ANO4: variants seen among roughly 807,000 people sequenced by gnomAD.
ANO4 encodes the protein anoctamin 4, also known as anoctamin-4.
ANO4 carries 69 observed loss-of-function variants against 141.9 expected under a neutral mutation model. The observed-to-expected ratio is 0.49, with a 90% CI of 0.40 to 0.59. ANO4 has a LOEUF of 0.59. ANO4 is among the 20% of genes least tolerant of loss of function. The probability of loss-of-function intolerance (pLI) is 0.00; values close to 1 mark genes in which losing one functional copy is unlikely to be tolerated. For missense variants in ANO4, 894 were observed against 1,162.2 expected, an observed-to-expected ratio of 0.77 and a Z score of 3.36; for synonymous variants, 350 against 394.3, an observed-to-expected ratio of 0.89 and a Z score of 1.33.
chr12:101,058,080 T>C (rs1044679270), intron 14 of ANO4, among the ~76,000 whole-genome samples: 67 of 152,236 alleles, frequency 4.4e-4, no homozygotes, highest in African/African-American at 1.6e-3. Context: ...TTTCTGCATA[T>C]GGCTAGCCAG....
At chr12:100,727,605 T>G (rs879226332) in intron 1 of ANO4, among the ~76,000 whole-genome samples, 1 of 152,174 alleles carries the variant, frequency 6.6e-6, no homozygotes, top group African/African-American at 2.4e-5. Context: ...TTTTTTTGGT[T>G]GTTGTTTTTA....
intron 3 of ANO4, among the ~76,000 whole-genome samples, chr12:100,778,959 G>A (rs953721): frequency 1.6e-4 from 24 of 151,224 alleles, no homozygotes; most frequent in Non-Finnish European, 3.0e-4. Flanking sequence ...ATTAGGCAGG[G>A]TGAAGAAGGG....
At chr12:100,977,032 C>T (rs915067879) in intron 7 of ANO4, among the ~76,000 whole-genome samples, 3 of 152,062 alleles carry the variant, frequency 2.0e-5, no homozygotes, top group Non-Finnish European at 2.9e-5. Flanking sequence ...CTTCTCTGAG[C>T]CTAAGTTTTT....
chr12:100,954,327 G>A (rs367754595), intron 5 of ANO4, among the ~76,000 whole-genome samples: 2 of 152,120 alleles, frequency 1.3e-5, no homozygotes, highest in Non-Finnish European at 2.9e-5. Context: ...CACAGGTGCC[G>A]GCGTGGAAGC....
At chr12:100,988,452 C>G (rs1366081312) in intron 8 of ANO4, among the ~76,000 whole-genome samples, 1 of 149,772 alleles carries the variant, frequency 6.7e-6, no homozygotes, top group African/African-American at 2.5e-5. Flanking sequence ...TCCCTTGCAA[C>G]AAGATCAGGA....
chr12:100,751,153 C>T (rs1270803355), intron 3 of ANO4, among the ~76,000 whole-genome samples: 3 of 152,216 alleles, frequency 2.0e-5, no homozygotes, highest in East Asian at 1.9e-4. Flanking sequence ...ATTCTCTTTG[C>T]GGGCAGTTTC....
intron 5 of ANO4, among the ~76,000 whole-genome samples, chr12:100,946,366 C>T (rs73375011): frequency 0.053 from 8,124 of 152,108 alleles, 670 homozygotes; most frequent in African/African-American, 0.17. Flanking sequence ...GTGGAGGTGG[C>T]AAGGGCAGAA....
chr12:100,799,074 C>T (rs781414519), intron 1 of ANO4, among the ~76,000 whole-genome samples: 3 of 152,174 alleles, frequency 2.0e-5, no homozygotes, highest in Non-Finnish European at 4.4e-5. Context: ...ATCTTCAAGC[C>T]CCTTGGATTC....
At chr12:101,086,939 C>A in intron 17 of ANO4, 115 bp downstream of exon 17, 1 of 1,212,982 alleles carries the variant, frequency 8.2e-7, no homozygotes, top group Non-Finnish European at 1.1e-6. Flanking sequence ...TCACATAGCA[C>A]TGATGTCCTG....
chr12:100,817,223 A>G (rs1220446420), intron 1 of ANO4, among the ~76,000 whole-genome samples: 3 of 151,910 alleles, frequency 2.0e-5, no homozygotes, highest in African/African-American at 4.8e-5. Context: ...GCTCTGGGGT[A>G]TACTTGTAAA....
At chr12:100,747,909 A>G (rs922409955) in intron 3 of ANO4, among the ~76,000 whole-genome samples, 1 of 152,146 alleles carries the variant, frequency 6.6e-6, no homozygotes, top group Non-Finnish European at 1.5e-5. Flanking sequence ...ATGAATTCCA[A>G]ACATTCCTTA....
At chr12:101,007,241 T>C (rs2045910542) in intron 8 of ANO4, among the ~76,000 whole-genome samples, 1 of 152,276 alleles carries the variant, frequency 6.6e-6, no homozygotes, top group East Asian at 1.9e-4. Context: ...TAGGCCTAGC[T>C]ACTTGGGAGA....
intron 1 of ANO4, among the ~76,000 whole-genome samples, chr12:100,850,349 G>A (rs1170792356): frequency 1.3e-5 from 2 of 152,166 alleles, no homozygotes; most frequent in East Asian, 3.8e-4. Context: ...TGCCCAATGA[G>A]GAGAGTCATT....
In ANO4 at chr12:100,842,062, C is replaced by CA. The variant is rs2037284772; in HGVS notation, c.-141+47035_-141+47036insA. On this transcript the variant is annotated intron_variant, in intron 1 of 27. Transcript: ENST00000392977. ...ATGCCAAACTACTGGTAAATATCCA[C>CA]CCCCCCCCCCCCCCCACTGAAAGCC... The CA allele has an allele frequency of 3.9e-4, 6 of 15,344 alleles. No homozygotes were observed. In the South Asian group the frequency reaches 0.014, roughly 35 times the overall value. 1.0% of individuals were successfully genotyped at this position (15,344 alleles called of 1,614,324 possible).
chr12:101,000,253 C>T (rs1255489462), intron 8 of ANO4, among the ~76,000 whole-genome samples: 1 of 152,122 alleles, frequency 6.6e-6, no homozygotes, highest in Non-Finnish European at 1.5e-5. Context: ...CATAACTGAC[C>T]TGAACTGGAA....
intron 3 of ANO4, among the ~76,000 whole-genome samples, chr12:100,937,191 G>T (rs2042320666): frequency 6.6e-6 from 1 of 152,150 alleles, no homozygotes; most frequent in African/African-American, 2.4e-5. Flanking sequence ...TCATCATTCT[G>T]TCATTTAACA....
At chr12:101,097,053 G>T (rs1227873505) in intron 19 of ANO4, among the ~76,000 whole-genome samples, 1 of 152,050 alleles carries the variant, frequency 6.6e-6, no homozygotes, top group Non-Finnish European at 1.5e-5. Flanking sequence ...AGGAAAGGGG[G>T]CAAAAATGGG....
chr12:101,047,062 C>G (rs1258177909), intron 13 of ANO4, among the ~76,000 whole-genome samples: 1 of 152,142 alleles, frequency 6.6e-6, no homozygotes, highest in Non-Finnish European at 1.5e-5. Context: ...CCAGCCTGGC[C>G]AACATGGTGA....
At chr12:100,976,555 G>T (rs1379179649) in intron 7 of ANO4, among the ~76,000 whole-genome samples, 2 of 152,160 alleles carry the variant, frequency 1.3e-5, no homozygotes, top group East Asian at 3.8e-4. Flanking sequence ...CCTTGTTAAG[G>T]CACAGATTTC....
Sources: allele counts gnomAD v4.1 joint callset (sites outside exome capture counted in the v4.1 genomes callset), GRCh38; gene constraint gnomAD v4.1.1; transcripts MANE v1.5; gene names NCBI Gene and HGNC (gene_info 2026-07-23, HGNC 2026-07-21).